PDXDC1: variants seen among roughly 807,000 people sequenced by gnomAD.
PDXDC1 encodes pyridoxal dependent decarboxylase domain containing 1, also known as pyridoxal-dependent decarboxylase domain-containing protein 1.
In PDXDC1, 42 loss-of-function variants were observed where a neutral mutation model predicts 100.1. The ratio of observed to expected loss-of-function variants is 0.42; its 90% CI spans 0.33 to 0.54. The LOEUF (loss-of-function observed/expected upper bound fraction) is 0.54, where lower values mean the gene tolerates loss of function less well. PDXDC1 is among the 20% of genes least tolerant of loss of function. The probability of loss-of-function intolerance (pLI) is 0.10; values close to 1 mark genes in which losing one functional copy is unlikely to be tolerated. For synonymous variants in PDXDC1, 260 were observed against 371.7 expected (o/e 0.70, Z 3.46); for missense variants, 636 against 979.2 (o/e 0.65, Z 4.68).
chr16:15,129,829 C>T, intron 16 of PDXDC1: 5 of 749,512 alleles, frequency 6.7e-6, no homozygotes, highest in Non-Finnish European at 1.2e-5. Context: ...AGGGTGCAAC[C>T]AGCACAGCCA....
chr16:15,104,065 G>A (rs1468508904), intron 16 of PDXDC1, among the ~76,000 whole-genome samples: 3 of 35,234 alleles, frequency 8.5e-5, no homozygotes, highest in Admixed American at 3.3e-4. Flanking sequence ...CCAGCTACTT[G>A]GGAGGCTGGG....
At chr16:15,131,712 A>T in intron 16 of PDXDC1, 1 of 1,372,170 alleles carries the variant, frequency 7.3e-7, no homozygotes, top group Non-Finnish European at 9.6e-7. Context: ...GGTCTCCTGC[A>T]GACAGACGTG....
chr16:15,037,821 T>G lies in PDXDC1; in HGVS notation c.*1546T>G. The G allele has an allele frequency of 2.1e-6, 1 of 472,214 alleles. No individual in the cohort carries two copies. The highest frequency in any genetic ancestry group is 3.7e-6 in the Non-Finnish European group (1 of 269,418). The allele number at this position is 472,214 out of a possible 1,614,324, so 29.3% of individuals were successfully genotyped here. A position where few individuals can be genotyped will look rare whatever the true frequency, so the allele number is the denominator to read the frequency against. On this transcript the variant is annotated 3_prime_UTR_variant, in exon 23 of 23. Transcript: ENST00000396410. ...CCAAAAAAAAAACTGGACATCAATT[T>G]TTTAGTAAACCAAAAAATAAGTCTC...
chr16:15,150,337 T>C, the PDXDC1 span, among the ~76,000 whole-genome samples: 5,018 of 144,620 alleles, frequency 0.035, 192 homozygotes, highest in Admixed American at 0.11. Context: ...TGAGACTCCA[T>C]CTCAAATAAC....
downstream of PDXDC1, among the ~76,000 whole-genome samples, chr16:15,139,911 C>G (rs1026457658): frequency 6.6e-6 from 1 of 151,964 alleles, no homozygotes; most frequent in Non-Finnish European, 1.5e-5. Flanking sequence ...TCCTGGCCAA[C>G]AGGGTGAAAC....
intron 16 of PDXDC1, among the ~76,000 whole-genome samples, chr16:15,088,404 C>A (rs182131368): frequency 7.1e-4 from 107 of 151,770 alleles, no homozygotes; most frequent in Non-Finnish European, 1.2e-3. Flanking sequence ...GAGGTTGAGG[C>A]TGCAGTGAGC....
chr16:15,137,442 A>G (rs2048383815), intron 16 of PDXDC1: 10 of 1,267,652 alleles, frequency 7.9e-6, no homozygotes, highest in Middle Eastern at 2.6e-4. Flanking sequence ...AAGGCGCTGC[A>G]GGCCTCTGGC....
the PDXDC1 span, among the ~76,000 whole-genome samples, chr16:15,145,989 C>A: frequency 6.6e-6 from 1 of 152,226 alleles, no homozygotes; most frequent in Admixed American, 6.5e-5. Context: ...GTCTCCCCCA[C>A]GAGCAGGGGG....
chr16:15,125,684 C>T (rs746548385), intron 16 of PDXDC1: 66 of 1,369,664 alleles, frequency 4.8e-5, no homozygotes, highest in Middle Eastern at 2.5e-4. Context: ...CCCAGTAGAG[C>T]CCTCACCTCA....
intron 8 of PDXDC1, chr16:15,015,889 A>G: frequency 1.0e-6 from 1 of 971,014 alleles, no homozygotes; most frequent in Non-Finnish European, 1.5e-6. Context: ...GAAAATAAGT[A>G]TATAAAAGAA....
chr16:15,132,548 C>T (rs1032687051), intron 16 of PDXDC1, among the ~76,000 whole-genome samples: 2 of 151,062 alleles, frequency 1.3e-5, no homozygotes, highest in Non-Finnish European at 3.0e-5. Context: ...TCACACAGGA[C>T]AGCAGAAAGG....
At chr16:15,023,372 T>C (rs1192845654) in intron 13 of PDXDC1, among the ~76,000 whole-genome samples, 1 of 152,296 alleles carries the variant, frequency 6.6e-6, no homozygotes, top group Non-Finnish European at 1.5e-5. Context: ...TATGTCAAAT[T>C]CTGATTTAAA....
At chr16:15,030,959 ATTT>A (rs968932105) in intron 16 of PDXDC1, among the ~76,000 whole-genome samples, 2 of 141,278 alleles carry the variant, frequency 1.4e-5, no homozygotes, top group African/African-American at 2.6e-5. Flanking sequence ...TTTGGTTTTT[ATTT>A]TTTTTTTAGA....
chr16:15,005,317 A>ACAAAAAG (rs1555551933), intron 5 of PDXDC1, among the ~76,000 whole-genome samples: 2 of 146,862 alleles, frequency 1.4e-5, no homozygotes, highest in African/African-American at 2.5e-5. Context: ...AAAAAAAAAA[A>ACAAAAAG]AAAGAAAACT....
chr16:15,147,035 T>G, the PDXDC1 span, among the ~76,000 whole-genome samples: 3 of 151,248 alleles, frequency 2.0e-5, no homozygotes, highest in Non-Finnish European at 2.9e-5. Context: ...TTCCTGAAAC[T>G]GAACAGGAAA....
Position 15,133,096 on chromosome 16 carries a change from G to T in PDXDC1, c.1400-5783G>T. The T allele has an allele frequency of 2.9e-5, 18 of 617,816 alleles. No individual in the cohort carries two copies. In the South Asian group the frequency reaches 3.3e-4, roughly 11 times the overall value. The allele number at this position is 617,816 out of a possible 1,614,324, so 38.3% of individuals were successfully genotyped here. ...GGAAAGCAGACGCCGGAGAGGGCCCGGTGGGTGTGGCTGCTGGGAGCGGAA... is the reference window on the plus strand; with the variant it reads ...GGAAAGCAGACGCCGGAGAGGGCCCTGTGGGTGTGGCTGCTGGGAGCGGAA... On this transcript the variant is annotated intron_variant, in intron 16 of 16. Coordinates refer to the PDXDC1 transcript ENST00000535621.
chr16:15,032,881 A>G lies in PDXDC1; in HGVS notation c.1592A>G (p.Asp531Gly), dbSNP rs751947330. 17 of 1,600,944 alleles carry G rather than the reference A, an allele frequency of 1.1e-5. No homozygotes were observed. The highest frequency in any genetic ancestry group is 4.0e-5 in the African/African-American group (3 of 74,662). The change falls in exon 18 of 23, where the codon GAT becomes GGT. Residue 531 changes from aspartate (D) to glycine (G), a missense_variant. Around this residue, in one of 4 missense-constraint regions of PDXDC1, gnomAD observed 452 missense variants for 402.9 expected, o/e 1.12. Coordinates refer to ENST00000396410, the MANE Select transcript of PDXDC1 (RefSeq NM_015027.4). ...GVVRYEHANDDKSSLKSDPEG... is the reference protein window; with the variant it reads ...GVVRYEHANDGKSSLKSDPEG... ...TTTAGGTATGAACATGCTAATGATG[A>G]TAAGAGCAGTTTGAAATCAGATCCC... is the stretch of plus-strand genomic sequence containing the variant.
chr16:15,140,710 G>A (rs1256223098), downstream of PDXDC1, among the ~76,000 whole-genome samples: 2 of 152,066 alleles, frequency 1.3e-5, no homozygotes, highest in East Asian at 1.9e-4. Context: ...AGAAGCCAGA[G>A]AGCTGGGGCA....
chr16:15,145,740 C>G, the PDXDC1 span, among the ~76,000 whole-genome samples: 2 of 152,268 alleles, frequency 1.3e-5, no homozygotes, highest in Non-Finnish European at 2.9e-5. Context: ...CATTTTCCAG[C>G]TGCGCTCACT....
Sources: allele counts gnomAD v4.1 joint callset (sites outside exome capture counted in the v4.1 genomes callset), GRCh38; gene constraint gnomAD v4.1.1; regional missense constraint gnomAD v4.1.1; transcripts MANE v1.5; gene names NCBI Gene and HGNC (gene_info 2026-07-23, HGNC 2026-07-21).